Variants in RBPJ observed in about 807,000 individuals in gnomAD.
RBPJ encodes the protein recombination signal binding protein for immunoglobulin kappa J region.
In RBPJ, 9 loss-of-function variants were observed where a neutral mutation model predicts 67.8. The observed-to-expected ratio is 0.13, with a 90% CI of 0.08 to 0.23. The LOEUF (loss-of-function observed/expected upper bound fraction) is 0.23. Among genes scored for constraint, RBPJ ranks in the 10% least tolerant of loss-of-function variants. The probability of loss-of-function intolerance (pLI) is 1.00; values close to 1 mark genes in which losing one functional copy is unlikely to be tolerated. For synonymous variants in RBPJ, 198 were observed against 203.3 expected (o/e 0.97, Z 0.22); for missense variants, 305 against 595.6 (o/e 0.51, Z 5.08).
At chr4:26,285,698 A>T (rs2109280239) in intron 1 of RBPJ, among the ~76,000 whole-genome samples, 1 of 151,454 alleles carries the variant, frequency 6.6e-6, no homozygotes, top group South Asian at 2.1e-4. Context: ...AAAAAAAAAA[A>T]AAAAGTGGCA....
chr4:26,311,354 T>C (rs892905919), intron 1 of RBPJ, among the ~76,000 whole-genome samples: 1 of 151,996 alleles, frequency 6.6e-6, no homozygotes, highest in Admixed American at 6.6e-5. Context: ...CTGGCTAACA[T>C]GATCAATTCC....
chr4:26,231,632 G>A (rs570192818), intron 1 of RBPJ, among the ~76,000 whole-genome samples: 2 of 151,612 alleles, frequency 1.3e-5, no homozygotes, highest in African/African-American at 4.8e-5. Context: ...GGCTAGTCTC[G>A]AATGCCTGAC....
rs1218595894 is a variant in RBPJ at position 26,431,200 on chromosome 4, A to AG, written c.*193_*194insG. 5.4e-4 allele frequency: 201 copies of AG among 373,370 alleles called. 1 individual carries two copies. The highest frequency in any genetic ancestry group is 4.2e-3 in the Admixed American group (98 of 23,572). The allele number at this position is 373,370 out of a possible 1,614,324, so 23.1% of individuals were successfully genotyped here. ...AAGCCACAGTAAAAAAAAAAAAAAA[A>AG]AAAAAAAAAAAGAAAAAAAAATCAA... On this transcript the variant is annotated 3_prime_UTR_variant, in exon 11 of 11. Transcript: ENST00000355476.
chr4:26,202,988 AGG>A (rs1402711785), intron 1 of RBPJ, among the ~76,000 whole-genome samples: 1 of 146,554 alleles, frequency 6.8e-6, no homozygotes, highest in Non-Finnish European at 1.5e-5. Flanking sequence ...GAAGGAAGGA[AGG>A]AAGGAAGGAA....
chr4:26,227,678 A>G (rs1719123550), intron 1 of RBPJ, among the ~76,000 whole-genome samples: 1 of 152,190 alleles, frequency 6.6e-6, no homozygotes, highest in African/African-American at 2.4e-5. Context: ...GTACATGACC[A>G]TATATCCACC....
intron 1 of RBPJ, among the ~76,000 whole-genome samples, chr4:26,294,664 G>A (rs2109292207): frequency 6.6e-6 from 1 of 152,104 alleles, no homozygotes; most frequent in African/African-American, 2.4e-5. Context: ...TGAATCACTT[G>A]AGGCCAGGAG....
intron 1 of RBPJ, among the ~76,000 whole-genome samples, chr4:26,177,290 T>C (rs1005373771): frequency 6.6e-6 from 1 of 151,930 alleles, no homozygotes; most frequent in Non-Finnish European, 1.5e-5. Flanking sequence ...CTAAAGAAAA[T>C]GTGGGCTGGG....
intron 1 of RBPJ, among the ~76,000 whole-genome samples, chr4:26,338,248 C>T (rs547813636): frequency 3.1e-4 from 46 of 150,592 alleles, no homozygotes; most frequent in African/African-American, 1.0e-3. Context: ...CTCTGCCTCC[C>T]GGATTCAAGC....
chr4:26,224,566 C>T (rs1719022418), intron 1 of RBPJ, among the ~76,000 whole-genome samples: 1 of 152,074 alleles, frequency 6.6e-6, no homozygotes, highest in African/African-American at 2.4e-5. Flanking sequence ...CCATGTTGGC[C>T]AGGCTGGTCT....
chr4:26,284,698 A>C (rs185855464), intron 1 of RBPJ, among the ~76,000 whole-genome samples: 32 of 152,002 alleles, frequency 2.1e-4, no homozygotes, highest in Admixed American at 1.6e-3. Flanking sequence ...CCAACTCCTG[A>C]CCTCAAATTC....
the RBPJ span, among the ~76,000 whole-genome samples, chr4:26,111,038 TC>T: frequency 3.3e-5 from 5 of 152,188 alleles, no homozygotes; most frequent in Admixed American, 2.6e-4. Context: ...GAATCCCTCT[TC>T]CCCCATGAGA....
At chr4:26,249,610 G>A (rs1056533332) in intron 1 of RBPJ, among the ~76,000 whole-genome samples, 5 of 151,792 alleles carry the variant, frequency 3.3e-5, no homozygotes, top group East Asian at 1.9e-4. Context: ...GCAGTGAGCC[G>A]AGATCCCGCC....
At chr4:26,172,219 C>G (rs1716616863) in intron 1 of RBPJ, among the ~76,000 whole-genome samples, 1 of 152,116 alleles carries the variant, frequency 6.6e-6, no homozygotes, top group Admixed American at 6.6e-5. Flanking sequence ...CTACAGAGGT[C>G]CCATACATAC....
At chr4:26,429,587 A>G (rs1244469353) in intron 8 of RBPJ, among the ~76,000 whole-genome samples, 1 of 152,236 alleles carries the variant, frequency 6.6e-6, no homozygotes. Context: ...CATCACAGAT[A>G]TTGATCTGCT....
intron 1 of RBPJ, among the ~76,000 whole-genome samples, chr4:26,307,090 G>A (rs926565400): frequency 3.9e-5 from 6 of 151,958 alleles, no homozygotes; most frequent in South Asian, 2.1e-4. Flanking sequence ...ACTAACAATC[G>A]TAAATCCCAC....
Position 26,428,833 on chromosome 4 carries a change from T to C in RBPJ, c.861T>C (p.Leu287=), listed in dbSNP as rs1173228506. The change falls in exon 8 of 11, where the codon CTT becomes CTC. Residue 287 remains leucine (L), a synonymous_variant. Coordinates refer to ENST00000355476, the MANE Select transcript of RBPJ (RefSeq NM_015874.6). ...ATACAGAAAGAATGTATTTGTGCCT[T>C]TCTCAAGAAAGAATAATTCAATTTC... ...LKDTERMYLC[L]SQERIIQFQA... 6.2e-7 allele frequency: 1 copy of C among 1,603,098 alleles called. No individual in the cohort carries two copies. The highest frequency in any genetic ancestry group is 1.1e-5 in the South Asian group (1 of 90,744).
At position 26,332,840 on chromosome 4, in the gene RBPJ, T is replaced by C. The variant is rs111572849; in HGVS notation, c.20+11792T>C. Among the ~76,000 whole-genome samples the C allele has an allele frequency of 7.2e-5, 11 of 152,072 alleles. 1 individual carries two copies. The highest frequency in any genetic ancestry group is 2.7e-4 in the African/African-American group (11 of 41,480). ...TTTTGTATTTTTTGTAGAGACGGAG[T>C]CTCTCACTGTGATGCCCAGGCTGGT... On this transcript the variant is annotated intron_variant, in intron 1 of 10. Coordinates refer to ENST00000355476, the MANE Select transcript of RBPJ (RefSeq NM_015874.6).
chr4:26,291,811 G>A lies in RBPJ; in HGVS notation c.-166-70635G>A, dbSNP rs188863037. ...GGCTGGTCTTGAACTCCTGACCTCC[G>A]TTGATCCACCTGCCTCGGCCTCCCA... On this transcript the variant is annotated intron_variant, in intron 1 of 4. Coordinates refer to the RBPJ transcript ENST00000512351. Among the ~76,000 whole-genome samples the A allele has an allele frequency of 7.3e-5, 11 of 150,678 alleles. 1 individual carries two copies. Among genetic ancestry groups the A allele is most frequent in the Admixed American group, 3.3e-4 (5 of 15,130 alleles).
chr4:26,376,374 A>G (rs1729729794), intron 1 of RBPJ, among the ~76,000 whole-genome samples: 1 of 152,180 alleles, frequency 6.6e-6, no homozygotes. Flanking sequence ...GTGGAATCAT[A>G]TAATATTTGT....
Sources: gnomAD v4.1 joint callset for allele counts (sites outside exome capture counted in the v4.1 genomes callset) on GRCh38, gnomAD v4.1.1 for gene constraint, MANE v1.5 for transcripts, NCBI Gene and HGNC (gene_info 2026-07-23, HGNC 2026-07-21) for gene names.